Variants in UTRN observed in about 807,000 individuals in gnomAD.
UTRN encodes the protein dystrophin-related protein 1.
In UTRN, 283 loss-of-function variants were observed where a neutral mutation model predicts 463.9. The ratio of observed to expected loss-of-function variants is 0.61; its 90% CI spans 0.55 to 0.67. UTRN has a LOEUF of 0.67. UTRN is among the 30% of genes least tolerant of loss of function. UTRN has a pLI of 0.00. For missense variants in UTRN, 3,922 were observed against 4,084.3 expected, an observed-to-expected ratio of 0.96 and a Z score of 1.08; for synonymous variants, 1,442 against 1,431.5, an observed-to-expected ratio of 1.01 and a Z score of -0.17.
chr6:144,597,252 A>AAAAAAAGC (rs1217848261), intron 51 of UTRN, among the ~76,000 whole-genome samples: 1 of 151,582 alleles, frequency 6.6e-6, no homozygotes, highest in Non-Finnish European at 1.5e-5. Flanking sequence ...AAAAAAAAAA[A>AAAAAAAGC]GTGCCTTAAC....
intron 2 of UTRN, among the ~76,000 whole-genome samples, chr6:144,360,480 A>G (rs747159008): frequency 1.3e-5 from 2 of 152,144 alleles, no homozygotes; most frequent in Non-Finnish European, 2.9e-5. Flanking sequence ...ACCTGGTTTA[A>G]GTACCCTTTT....
intron 54 of UTRN, among the ~76,000 whole-genome samples, chr6:144,744,350 G>GTGTGTA (rs1421678530): frequency 7.3e-6 from 1 of 136,306 alleles, no homozygotes; most frequent in Admixed American, 7.8e-5. Flanking sequence ...GTGTGTGTGT[G>GTGTGTA]TGTATAAAAT....
At position 144,624,623 on chromosome 6, in the gene UTRN, G is replaced by T. The variant is rs974212426; in HGVS notation, c.7479+47335G>T. On this transcript the variant is annotated intron_variant, in intron 51 of 74. Transcript: ENST00000367545. Reference sequence around the variant, plus strand: ...CATTACCAGGAAGAGTGAAGTGAGGGTAAGGTTGACTGGGGCTGGGCAGAA... The same window carrying T: ...CATTACCAGGAAGAGTGAAGTGAGGTTAAGGTTGACTGGGGCTGGGCAGAA... 6.6e-5 allele frequency among the ~76,000 whole-genome samples: 10 copies of T among 152,140 alleles called. 2 individuals are homozygous for T. The highest frequency in any genetic ancestry group is 6.5e-4 in the Admixed American group (10 of 15,270).
At chr6:144,454,038 T>C (rs1788581049) in intron 19 of UTRN, among the ~76,000 whole-genome samples, 169 bp downstream of exon 19, 1 of 152,204 alleles carries the variant, frequency 6.6e-6, no homozygotes, top group African/African-American at 2.4e-5. Flanking sequence ...GAAATTTTAT[T>C]CTGAAGCTGA....
At chr6:144,750,489 T>G (rs1323008701) in intron 55 of UTRN, among the ~76,000 whole-genome samples, 1 of 152,112 alleles carries the variant, frequency 6.6e-6, no homozygotes, top group Non-Finnish European at 1.5e-5. Flanking sequence ...CTTCCAACAT[T>G]CATAGTTCTC....
intron 13 of UTRN, among the ~76,000 whole-genome samples, chr6:144,443,150 A>G (rs913360772): frequency 4.6e-5 from 7 of 152,208 alleles, no homozygotes; most frequent in African/African-American, 1.7e-4. Context: ...CATTTGAACA[A>G]TACTTGGATT....
At chr6:144,733,160 A>G (rs1586280602) in intron 54 of UTRN, among the ~76,000 whole-genome samples, 3 of 152,186 alleles carry the variant, frequency 2.0e-5, no homozygotes, top group East Asian at 3.8e-4. Flanking sequence ...GCTTAGGGCT[A>G]TTTTGAATAT....
rs559092191 is a variant in UTRN, at chr6:144,608,079, C to A, written c.7479+30791C>A. ...AGGCCATGGTATCCGGATTTTTGTT[C>A]AAACTAGATGTTTTATGCAGTTATT... On this transcript the variant is annotated intron_variant, in intron 51 of 74. Transcript: ENST00000367545. 9.3e-4 allele frequency among the ~76,000 whole-genome samples: 141 copies of A among 152,104 alleles called. 1 individual carries two copies. The highest frequency in any genetic ancestry group is 9.6e-4 in the Non-Finnish European group (65 of 68,016).
intron 53 of UTRN, among the ~76,000 whole-genome samples, chr6:144,724,341 G>T (rs935530675): frequency 2.1e-5 from 3 of 145,260 alleles, no homozygotes; most frequent in African/African-American, 7.6e-5. Flanking sequence ...TGATTCTCCT[G>T]CCTCAGCCTC....
chr6:144,531,084 A>C lies in UTRN; in HGVS notation c.5939A>C (p.Gln1980Pro), dbSNP rs1162540169. ...GACAGGGCAATGGAAGAATGGAGAC[A>C]GTTCCATTGTGACCTTAATGACCTC... Reference protein sequence around the residue: ...CFDRAMEEWRQFHCDLNDLTQ... With the variant: ...CFDRAMEEWRPFHCDLNDLTQ... The change falls in exon 42 of 75, where the codon CAG becomes CCG. Residue 1980 changes from glutamine (Q) to proline (P), a missense_variant. Transcript: ENST00000367545. 6.2e-7 allele frequency: 1 copy of C among 1,613,918 alleles called. No homozygotes were observed. Among genetic ancestry groups the C allele is most frequent in the Non-Finnish European group, 8.5e-7 (1 of 1,179,932 alleles).
intron 33 of UTRN, among the ~76,000 whole-genome samples, chr6:144,495,685 G>A (rs1303096026): frequency 1.3e-5 from 2 of 152,246 alleles, no homozygotes; most frequent in African/African-American, 4.8e-5. Context: ...TGTGAGGACT[G>A]CCAGCATGCT....
intron 58 of UTRN, among the ~76,000 whole-genome samples, chr6:144,765,062 G>A (rs1295660830): frequency 6.6e-6 from 1 of 152,050 alleles, no homozygotes; most frequent in Non-Finnish European, 1.5e-5. Context: ...GTGGGAGGTG[G>A]GGTTCCCTAT....
At chr6:144,846,336 A>C (rs571543873) in intron 73 of UTRN, among the ~76,000 whole-genome samples, 55 of 152,346 alleles carry the variant, frequency 3.6e-4, no homozygotes, top group African/African-American at 1.3e-3. Flanking sequence ...TGATGCAAGT[A>C]CTTGGCCACC....
chr6:144,423,577 A>G lies in UTRN; in HGVS notation c.263A>G (p.His88Arg). The stretch of plus-strand genomic sequence containing the variant: ...AAGGAACGTGGTTCCACAAGGGTAC[A>G]TGCCTTAAATAACGTCAACAGAGTG... The part of the protein sequence containing the change: ...LPKERGSTRV[H>R]ALNNVNRVLQ... Residue 88 changes from histidine to arginine, a missense_variant, in exon 5 of 75, where the codon CAT becomes CGT. Coordinates refer to ENST00000367545, the MANE Select transcript of UTRN (RefSeq NM_007124.3). 6.2e-7 allele frequency: 1 copy of G among 1,614,232 alleles called. No homozygotes were observed. The highest frequency in any genetic ancestry group is 8.5e-7 in the Non-Finnish European group (1 of 1,180,038).
chr6:144,710,133 T>C (rs772808148), intron 53 of UTRN, among the ~76,000 whole-genome samples: 5 of 152,324 alleles, frequency 3.3e-5, no homozygotes, highest in Admixed American at 6.5e-5. Flanking sequence ...TACTTTACAT[T>C]TAAATGTTTA....
chr6:144,700,010 A>G, intron 52 of UTRN, 77 bp from the exon 53 acceptor site: 2 of 1,423,528 alleles, frequency 1.4e-6, no homozygotes, highest in Non-Finnish European at 1.9e-6. Context: ...TATTATGCTA[A>G]AGGAAGGTAG....
chr6:144,628,324 C>T (rs1298311203), intron 51 of UTRN, among the ~76,000 whole-genome samples: 1 of 152,130 alleles, frequency 6.6e-6, no homozygotes, highest in East Asian at 1.9e-4. Context: ...GCTCTTGTTC[C>T]AGTGTTCACT....
At chr6:144,410,030 G>A (rs1783747533) in intron 3 of UTRN, among the ~76,000 whole-genome samples, 1 of 152,080 alleles carries the variant, frequency 6.6e-6, no homozygotes, top group South Asian at 2.1e-4. Flanking sequence ...ATAGTCTCTT[G>A]TCCACCTTCT....
chr6:144,791,795 T>G (rs1047608967), intron 62 of UTRN, among the ~76,000 whole-genome samples: 1 of 152,200 alleles, frequency 6.6e-6, no homozygotes, highest in Non-Finnish European at 1.5e-5. Flanking sequence ...CTAAGGACAC[T>G]TTTGTCCTTA....
Sources: gnomAD v4.1 joint callset for allele counts (sites outside exome capture counted in the v4.1 genomes callset) on GRCh38, gnomAD v4.1.1 for gene constraint, MANE v1.5 for transcripts, NCBI Gene and HGNC (gene_info 2026-07-23, HGNC 2026-07-21) for gene names.